The following RNF170 variants were observed in gnomAD, a reference collection of about 807,000 sequenced individuals.
RNF170 encodes E3 ubiquitin-protein ligase RNF170.
RNF170 carries 12 observed loss-of-function variants against 32.7 expected under a neutral mutation model. The observed-to-expected ratio is 0.37, with a 90% CI of 0.24 to 0.60. The LOEUF (loss-of-function observed/expected upper bound fraction) is 0.60. Ranked by LOEUF, RNF170 falls within the 20% of genes least tolerant of loss-of-function variation. The probability of loss-of-function intolerance (pLI) is 0.72; values close to 1 mark genes in which losing one functional copy is unlikely to be tolerated. For synonymous variants in RNF170, 91 were observed against 103.6 expected, an observed-to-expected ratio of 0.88 and a Z score of 0.74; for missense variants, 212 against 311.2, an observed-to-expected ratio of 0.68 and a Z score of 2.40.
intron 3 of RNF170, among the ~76,000 whole-genome samples, chr8:42,871,270 A>C (rs984271665): frequency 6.6e-6 from 1 of 152,192 alleles, no homozygotes; most frequent in African/African-American, 2.4e-5. Flanking sequence ...TATTTATCAA[A>C]ACTTGTTTTA....
intron 1 of RNF170, among the ~76,000 whole-genome samples, chr8:42,892,267 T>C (rs1806364843): frequency 6.6e-6 from 1 of 152,208 alleles, no homozygotes; most frequent in Non-Finnish European, 1.5e-5. Flanking sequence ...CACTGCAGCC[T>C]CGACCTCCCA....
upstream of RNF170, chr8:42,896,708 C>T (rs1484920659): frequency 3.6e-6 from 1 of 275,644 alleles, no homozygotes; most frequent in South Asian, 2.6e-5. Context: ...GTGCTCGCCT[C>T]GACACGCAGC....
In RNF170 at chr8:42,861,737, T is replaced by C. The variant is rs766374242; in HGVS notation, c.507+8A>G. ...CTCTAACTTTGAACATGCTTTAGCA[T>C]TACTTACAGATCTGGGTTGCCCTGA... On this transcript the variant is annotated splice_region_variant and intron_variant, in intron 6 of 6. Coordinates refer to ENST00000527424, the MANE Select transcript of RNF170 (RefSeq NM_030954.4). The C allele has an allele frequency of 6.3e-7, 1 of 1,582,990 alleles. No individual in the cohort carries two copies. The highest frequency in any genetic ancestry group is 1.1e-5 in the South Asian group (1 of 90,424).
chr8:42,896,999 C>T, upstream of RNF170: 1 of 552,420 alleles, frequency 1.8e-6, no homozygotes, highest in Non-Finnish European at 2.7e-6. Context: ...CAGCGCTGGG[C>T]GAGAGTCGGC....
chr8:42,865,163 G>A (rs1238329415), intron 5 of RNF170, among the ~76,000 whole-genome samples: 1 of 151,604 alleles, frequency 6.6e-6, no homozygotes, highest in African/African-American at 2.4e-5. Context: ...AGGCTAAGGT[G>A]GAAGGATTGC....
intron 2 of RNF170, among the ~76,000 whole-genome samples, chr8:42,876,753 G>C (rs1260433432): frequency 6.8e-6 from 1 of 147,394 alleles, no homozygotes; most frequent in Non-Finnish European, 1.5e-5. Context: ...TCTGCCTCCT[G>C]GGTTCTAGTG....
chr8:42,886,868 A>T (rs531561179), intron 2 of RNF170, among the ~76,000 whole-genome samples: 87 of 152,178 alleles, frequency 5.7e-4, no homozygotes, highest in Non-Finnish European at 8.5e-4. Flanking sequence ...AAAATAAATA[A>T]ATAGGCTGGG....
At position 42,853,852 on chromosome 8, in the gene RNF170, T is replaced by G. The variant is rs1227625276; in HGVS notation, c.*2307A>C. On this transcript the variant is annotated 3_prime_UTR_variant, in exon 7 of 7. Transcript: ENST00000527424. Reference sequence around the variant, plus strand: ...TAAGATCATTTAGTATTTTTTTATGTTACAAAATTTGGTACAATACACCTC... The same window carrying G: ...TAAGATCATTTAGTATTTTTTTATGGTACAAAATTTGGTACAATACACCTC... 1 of 1,286,654 alleles carries G rather than the reference T, an allele frequency of 7.8e-7. No homozygotes were observed. Among genetic ancestry groups the G allele is most frequent in the Non-Finnish European group, 1.0e-6 (1 of 988,362 alleles). 79.7% of individuals were successfully genotyped at this position (1,286,654 alleles called of 1,614,324 possible). A position where few individuals can be genotyped will look rare whatever the true frequency, so the allele number is the denominator to read the frequency against.
rs1465999227 is a variant in RNF170, at chr8:42,855,192, A to T, written c.*967T>A. The stretch of plus-strand genomic sequence containing the variant: ...CTCTTGTTTAAATGTCTAACTGTGA[A>T]CATCAAGTGTGCTGACTGGAGATAA... On this transcript the variant is annotated 3_prime_UTR_variant, in exon 7 of 7. Coordinates refer to ENST00000527424, the MANE Select transcript of RNF170 (RefSeq NM_030954.4). The T allele has an allele frequency of 3.1e-6, 4 of 1,286,578 alleles. No homozygotes were observed. The highest frequency in any genetic ancestry group is 4.6e-5 in the Admixed American group (2 of 43,492). 79.7% of individuals were successfully genotyped at this position (1,286,578 alleles called of 1,614,324 possible).
chr8:42,859,483 C>T lies in RNF170; in HGVS notation c.507+2262G>A, dbSNP rs1029027629. Among the ~76,000 whole-genome samples, 10 of 151,930 alleles carry T rather than the reference C, an allele frequency of 6.6e-5. No homozygotes were observed. In the East Asian group the frequency reaches 9.8e-4, roughly 15 times the overall value. ...AACCCAGTCTCTATAAAAAATTAGC[C>T]GGGTGTGGTGATGCACCCCTGTGGT... On this transcript the variant is annotated intron_variant, in intron 6 of 6. Transcript: ENST00000527424.
At chr8:42,851,445 G>A (rs1802939002), downstream of RNF170, among the ~76,000 whole-genome samples, 1 of 151,748 alleles carries the variant, frequency 6.6e-6, no homozygotes, top group African/African-American at 2.4e-5. Context: ...GGCATCTGTA[G>A]TCCCAGCTAC....
chr8:42,896,493 G>T lies in RNF170; in HGVS notation c.-17C>A, dbSNP rs755888063. The T allele has an allele frequency of 3.0e-4, 137 of 453,890 alleles. No homozygotes were observed. Among genetic ancestry groups the T allele is most frequent in the African/African-American group, 2.2e-3 (110 of 50,070 alleles). The allele number at this position is 453,890 out of a possible 1,614,324, so 28.1% of individuals were successfully genotyped here. A position where few individuals can be genotyped will look rare whatever the true frequency, so the allele number is the denominator to read the frequency against. On this transcript the variant is annotated 5_prime_UTR_variant, in exon 1 of 7. Transcript: ENST00000527424. ...CGCGCGCCGGACGTACCTCTCCACC[G>T]CGAAGGAACTACCTCGCCAGTTCCC...
In RNF170 at chr8:42,887,754, A is replaced by G. The variant is rs1805941015; in HGVS notation, c.111T>C (p.Ile37=). Residue 37 remains isoleucine, a synonymous_variant, in exon 2 of 7, where the codon ATT becomes ATC. Transcript: ENST00000527424. ...TGAAAAGTGCATATACCAGGGTAGC[A>G]ATCAAAGCGAAACTGACCACAACTG... ...LVAVVVSFAL[I]ATLVYALFRN... is the part of the protein sequence containing the mutation. 1.2e-6 allele frequency: 2 copies of G among 1,614,148 alleles called. No individual in the cohort carries two copies. Among genetic ancestry groups the G allele is most frequent in the Non-Finnish European group, 1.7e-6 (2 of 1,179,990 alleles).
downstream of RNF170, chr8:42,850,833 G>A: frequency 6.4e-7 from 1 of 1,551,606 alleles, no homozygotes; most frequent in Non-Finnish European, 8.7e-7. Context: ...CTAGTAACGT[G>A]AAGCATAAAC....
intron 2 of RNF170, among the ~76,000 whole-genome samples, chr8:42,881,788 A>G (rs1262242899): frequency 6.6e-6 from 1 of 152,038 alleles, no homozygotes; most frequent in African/African-American, 2.4e-5. Flanking sequence ...TACAAAAATT[A>G]GTTGGGCATG....
chr8:42,893,787 ACT>A (rs1331390409), intron 1 of RNF170, among the ~76,000 whole-genome samples: 1 of 152,182 alleles, frequency 6.6e-6, no homozygotes, highest in Non-Finnish European at 1.5e-5. Flanking sequence ...AGCATCTCAA[ACT>A]CTCTTTAATC....
chr8:42,868,146 T>G (rs891537816), intron 4 of RNF170, among the ~76,000 whole-genome samples: 1 of 152,174 alleles, frequency 6.6e-6, no homozygotes, highest in African/African-American at 2.4e-5. Context: ...GTGAAAACCT[T>G]AAAGAAGAGA....
rs7013671 is a variant in RNF170, at chr8:42,894,795, C to T, written c.-8+1689G>A. ...GGCCAGGATCTCTTGACATCGTGAT[C>T]CGCTCGCCTCGGCCTCCCAAAGTGC... On this transcript the variant is annotated intron_variant, in intron 1 of 6. Transcript: ENST00000527424. 7.4e-3 allele frequency among the ~76,000 whole-genome samples: 1,120 copies of T among 152,220 alleles called. 8 individuals are homozygous for T. The highest frequency in any genetic ancestry group is 0.011 in the Non-Finnish European group (749 of 68,002).
Position 42,874,071 on chromosome 8 carries a change from G to C in RNF170, c.138-65C>G, listed in dbSNP as rs73635307. 4,229 of 957,954 alleles carry C rather than the reference G, an allele frequency of 4.4e-3. 127 individuals are homozygous for C. In the African/African-American group the frequency reaches 0.063, roughly 14 times the overall value. The allele number at this position is 957,954 out of a possible 1,614,324, so 59.3% of individuals were successfully genotyped here. On this transcript the variant is annotated intron_variant, in intron 2 of 6. Transcript: ENST00000527424. ...TATCATATGAATCCATTTTCTTCAT[G>C]GGTCTACTTTCTGACTTATAACTAC...
Sources: gnomAD v4.1 joint callset for allele counts (sites outside exome capture counted in the v4.1 genomes callset) on GRCh38, gnomAD v4.1.1 for gene constraint, MANE v1.5 for transcripts, NCBI Gene and HGNC (gene_info 2026-07-23, HGNC 2026-07-21) for gene names.